The following GRK5 variants were observed in gnomAD, a reference collection of about 807,000 sequenced individuals.
The protein encoded by GRK5 is g protein-coupled receptor kinase GRK5.
Under a neutral mutation model 78.4 loss-of-function variants are expected in GRK5, and 40 were observed. That is an observed-to-expected ratio of 0.51 (90% confidence interval 0.40 to 0.66). The LOEUF (loss-of-function observed/expected upper bound fraction) is 0.66, where lower values mean the gene tolerates loss of function less well. Ranked by LOEUF, GRK5 falls within the 30% of genes least tolerant of loss-of-function variation. GRK5 has a pLI of 0.00. For synonymous variants in GRK5, 289 were observed against 296.8 expected (o/e 0.97, Z 0.27); for missense variants, 598 against 759.9 (o/e 0.79, Z 2.50).
intron 1 of GRK5, among the ~76,000 whole-genome samples, chr10:119,276,370 T>A (rs931529390): frequency 6.6e-6 from 1 of 152,120 alleles, no homozygotes; most frequent in African/African-American, 2.4e-5. Context: ...TTGTCCTTGC[T>A]ATAGTTTACT....
chr10:119,233,391 G>A (rs1469615902), intron 1 of GRK5, among the ~76,000 whole-genome samples: 1 of 152,074 alleles, frequency 6.6e-6, no homozygotes, highest in Non-Finnish European at 1.5e-5. Flanking sequence ...TTCCAAAAGG[G>A]CTGCTCTTCT....
intron 3 of GRK5, among the ~76,000 whole-genome samples, chr10:119,394,371 GGTGTCGGT>G (rs1851977055): frequency 1.3e-5 from 1 of 79,150 alleles, no homozygotes; most frequent in Non-Finnish European, 2.8e-5. Flanking sequence ...GGTGTGTGTG[GGTGTCGGT>G]GTGTGTATCT....
At chr10:119,395,095 T>C (rs1199753080) in intron 3 of GRK5, among the ~76,000 whole-genome samples, 1 of 152,016 alleles carries the variant, frequency 6.6e-6, no homozygotes, top group Admixed American at 6.6e-5. Flanking sequence ...GTCCAGCAGC[T>C]GTGACCTTGG....
chr10:119,409,037 G>A (rs548554759), intron 4 of GRK5, among the ~76,000 whole-genome samples: 96 of 152,276 alleles, frequency 6.3e-4, no homozygotes, highest in Middle Eastern at 3.4e-3. Context: ...CAGCAAGGCC[G>A]GGGAATGAGC....
At chr10:119,423,450 A>G (rs2133884874) in intron 5 of GRK5, among the ~76,000 whole-genome samples, 184 bp downstream of exon 5, 1 of 141,772 alleles carries the variant, frequency 7.1e-6, no homozygotes, top group Non-Finnish European at 1.6e-5. Flanking sequence ...CCAAGTCCAA[A>G]GAAAACATCT....
chr10:119,245,244 C>T (rs1417128204), intron 1 of GRK5, among the ~76,000 whole-genome samples: 5 of 152,056 alleles, frequency 3.3e-5, no homozygotes, highest in African/African-American at 1.2e-4. Context: ...CACTACTGCA[C>T]TGCAGCCTGG....
chr10:119,435,928 G>A (rs1268045101), intron 8 of GRK5, among the ~76,000 whole-genome samples: 2 of 152,188 alleles, frequency 1.3e-5, no homozygotes, highest in Admixed American at 6.5e-5. Flanking sequence ...AAGGTGAAAG[G>A]CACTTCTTAC....
chr10:119,422,340 G>A (rs1457253599), intron 4 of GRK5, among the ~76,000 whole-genome samples: 1 of 152,214 alleles, frequency 6.6e-6, no homozygotes, highest in Non-Finnish European at 1.5e-5. Flanking sequence ...GAAAGATAAA[G>A]AAACAACGGT....
At chr10:119,214,976 C>T (rs1039752131) in intron 1 of GRK5, among the ~76,000 whole-genome samples, 4 of 152,184 alleles carry the variant, frequency 2.6e-5, no homozygotes, top group Middle Eastern at 3.2e-3. Flanking sequence ...GAGGCCTGGG[C>T]GGGTAGACGG....
intron 4 of GRK5, among the ~76,000 whole-genome samples, chr10:119,398,663 C>G (rs1230860120): frequency 6.6e-6 from 1 of 152,364 alleles, no homozygotes; most frequent in East Asian, 1.9e-4. Context: ...CTTGCTGTCA[C>G]TGTGGGATGC....
At chr10:119,371,355 C>G (rs1036362164) in intron 2 of GRK5, among the ~76,000 whole-genome samples, 5 of 152,254 alleles carry the variant, frequency 3.3e-5, no homozygotes, top group Admixed American at 3.3e-4. Context: ...TTGGGAAACT[C>G]TGGTTGCCCT....
intron 10 of GRK5, among the ~76,000 whole-genome samples, chr10:119,440,448 G>A (rs916507681): frequency 6.6e-6 from 1 of 151,870 alleles, no homozygotes; most frequent in African/African-American, 2.4e-5. Context: ...CGTGATCTCG[G>A]CCTACTGCAA....
intron 3 of GRK5, among the ~76,000 whole-genome samples, chr10:119,393,888 A>ATG (rs775651444): frequency 7.2e-6 from 1 of 139,306 alleles, no homozygotes; most frequent in African/African-American, 2.7e-5. Flanking sequence ...GGGTGTCTGT[A>ATG]TGTGTGTGTG....
chr10:119,212,065 A>G (rs1187055465), intron 1 of GRK5, among the ~76,000 whole-genome samples: 2 of 152,206 alleles, frequency 1.3e-5, no homozygotes, highest in African/African-American at 4.8e-5. Context: ...AATCTTACCA[A>G]GCGACAGCTT....
intron 3 of GRK5, among the ~76,000 whole-genome samples, chr10:119,393,780 G>A (rs577297249): frequency 1.3e-5 from 2 of 152,284 alleles, no homozygotes; most frequent in African/African-American, 4.8e-5. Flanking sequence ...TCTGCAAATC[G>A]GGACTAATAA....
intron 1 of GRK5, among the ~76,000 whole-genome samples, chr10:119,283,982 T>C (rs528673452): frequency 3.3e-5 from 5 of 152,340 alleles, no homozygotes; most frequent in African/African-American, 9.6e-5. Flanking sequence ...TCTGATCTCA[T>C]TGATTCCTCC....
At chr10:119,236,489 CA>C (rs1384437255) in intron 1 of GRK5, among the ~76,000 whole-genome samples, 2 of 152,060 alleles carry the variant, frequency 1.3e-5, no homozygotes, top group Admixed American at 6.5e-5. Context: ...GCTGGGATTA[CA>C]GGCGTGAGCC....
chr10:119,388,262 A>C (rs963672948), intron 3 of GRK5, among the ~76,000 whole-genome samples: 79 of 152,100 alleles, frequency 5.2e-4, no homozygotes, highest in Non-Finnish European at 2.4e-4. Context: ...GTACCTGGCC[A>C]AGGAAAATTT....
At chr10:119,407,289 G>A (rs544421574) in intron 4 of GRK5, among the ~76,000 whole-genome samples, 3 of 152,320 alleles carry the variant, frequency 2.0e-5, no homozygotes, top group African/African-American at 7.2e-5. Flanking sequence ...CAGCTTGGAA[G>A]AGGAGACTGG....
Sources: allele counts gnomAD v4.1 joint callset (sites outside exome capture counted in the v4.1 genomes callset), GRCh38; gene constraint gnomAD v4.1.1; transcripts MANE v1.5; gene names NCBI Gene and HGNC (gene_info 2026-07-23, HGNC 2026-07-21).